The following TSHZ2 variants were observed in gnomAD, a reference collection of about 807,000 sequenced individuals.
TSHZ2 encodes the protein teashirt zinc finger homeobox 2, also known as teashirt homolog 2.
Under a neutral mutation model 74.4 loss-of-function variants are expected in TSHZ2, and 21 were observed. The observed-to-expected ratio is 0.28, with a 90% CI of 0.20 to 0.41. The LOEUF (loss-of-function observed/expected upper bound fraction) is 0.41. Ranked by LOEUF, TSHZ2 falls within the 10% of genes least tolerant of loss-of-function variation. The pLI, the probability that TSHZ2 is intolerant of heterozygous loss-of-function variation, is 1.00. For synonymous variants in TSHZ2, 540 were observed against 515.3 expected, an observed-to-expected ratio of 1.05 and a Z score of -0.65; for missense variants, 1,244 against 1,293.5, an observed-to-expected ratio of 0.96 and a Z score of 0.59.
intron 1 of TSHZ2, among the ~76,000 whole-genome samples, chr20:52,987,383 A>G (rs1981808308): frequency 6.6e-6 from 1 of 152,168 alleles, no homozygotes; most frequent in South Asian, 2.1e-4. Flanking sequence ...CCATTAATCC[A>G]TTTGAATTAC....
chr20:53,070,611 AC>A (rs753863490), intron 1 of TSHZ2, among the ~76,000 whole-genome samples: 4 of 152,156 alleles, frequency 2.6e-5, no homozygotes, highest in Non-Finnish European at 5.9e-5. Context: ...TCACACTTAA[AC>A]ATTGATTACC....
chr20:53,100,920 GT>G (rs1032398036), intron 1 of TSHZ2, among the ~76,000 whole-genome samples: 76 of 152,106 alleles, frequency 5.0e-4, no homozygotes, highest in Admixed American at 1.5e-3. Context: ...CTGTTTCCCA[GT>G]TTTTTGAGGT....
At chr20:53,001,214 G>GTGTGTGTGTGTGTGTGTGTGTGTGTATA (rs1568713416) in intron 1 of TSHZ2, among the ~76,000 whole-genome samples, 12 of 125,890 alleles carry the variant, frequency 9.5e-5, no homozygotes, top group African/African-American at 4.1e-4. Flanking sequence ...GCGTGTGTGT[G>GTGTGTGTGTGTGTGTGTGTGTGTGTATA]TGTGTGTGTG....
intron 1 of TSHZ2, among the ~76,000 whole-genome samples, chr20:53,039,037 C>T (rs1181553398): frequency 1.3e-5 from 2 of 152,100 alleles, no homozygotes; most frequent in African/African-American, 2.4e-5. Context: ...GCTGGGATTA[C>T]AGTCATGCCC....
chr20:53,180,606 G>T (rs1431254660), intron 1 of TSHZ2, among the ~76,000 whole-genome samples: 2 of 152,246 alleles, frequency 1.3e-5, no homozygotes, highest in East Asian at 3.9e-4. Flanking sequence ...AACTCATGTA[G>T]GAGGGGCCAC....
At chr20:53,088,483 A>AG (rs1367820773) in intron 1 of TSHZ2, among the ~76,000 whole-genome samples, 1 of 152,188 alleles carries the variant, frequency 6.6e-6, no homozygotes, top group Non-Finnish European at 1.5e-5. Context: ...AATGGAATTG[A>AG]GGATCTCAGC....
At chr20:53,244,266 T>C (rs965361449) in intron 1 of TSHZ2, among the ~76,000 whole-genome samples, 3 of 152,224 alleles carry the variant, frequency 2.0e-5, no homozygotes, top group Non-Finnish European at 4.4e-5. Context: ...AGTGTGTTTA[T>C]ATATCCTTAT....
At chr20:53,280,622 T>C (rs1199937465) in intron 2 of TSHZ2, among the ~76,000 whole-genome samples, 2 of 151,664 alleles carry the variant, frequency 1.3e-5, no homozygotes, top group Non-Finnish European at 2.9e-5. Context: ...CTTCTCATCA[T>C]TTAGTCAACA....
intron 2 of TSHZ2, among the ~76,000 whole-genome samples, chr20:53,418,706 C>A (rs908493030): frequency 6.6e-6 from 1 of 152,058 alleles, no homozygotes; most frequent in Non-Finnish European, 1.5e-5. Flanking sequence ...AGAGTCAAAC[C>A]GTATCAATAG....
In TSHZ2 at chr20:53,149,587, C is replaced by T. The variant is rs560510945; in HGVS notation, c.41-103912C>T. ...GCTAAATAAGTCCTTCAGAGATTTCCGCTCAGCTCATGGTGCCAATGAGGA... is the reference window on the plus strand; with the variant it reads ...GCTAAATAAGTCCTTCAGAGATTTCTGCTCAGCTCATGGTGCCAATGAGGA... On this transcript the variant is annotated intron_variant, in intron 1 of 2. Coordinates refer to ENST00000371497, the MANE Select transcript of TSHZ2 (RefSeq NM_173485.6). 2.8e-4 allele frequency among the ~76,000 whole-genome samples: 42 copies of T among 152,238 alleles called. No homozygotes were observed. In the South Asian group the frequency reaches 7.7e-3, roughly 28 times the overall value.
chr20:53,206,145 G>A (rs1368036027), intron 1 of TSHZ2, among the ~76,000 whole-genome samples: 1 of 152,158 alleles, frequency 6.6e-6, no homozygotes, highest in Non-Finnish European at 1.5e-5. Context: ...TTTGAACCTG[G>A]GAGTCAGAGG....
chr20:53,308,174 G>C (rs776279837), intron 2 of TSHZ2, among the ~76,000 whole-genome samples: 24 of 152,194 alleles, frequency 1.6e-4, no homozygotes, highest in Non-Finnish European at 2.9e-4. Context: ...CATGTGTACT[G>C]GGGAGTCATG....
At chr20:53,087,762 A>G (rs1985743208) in intron 1 of TSHZ2, among the ~76,000 whole-genome samples, 1 of 152,220 alleles carries the variant, frequency 6.6e-6, no homozygotes, top group African/African-American at 2.4e-5. Context: ...AGGGACTTAA[A>G]TGATGGTACG....
intron 1 of TSHZ2, among the ~76,000 whole-genome samples, chr20:52,998,385 T>C (rs1271548426): frequency 2.6e-5 from 4 of 152,174 alleles, no homozygotes; most frequent in Admixed American, 6.5e-5. Context: ...GCCAGGCTGG[T>C]CTCGAATTCC....
chr20:53,248,523 G>C (rs778405100), intron 1 of TSHZ2, among the ~76,000 whole-genome samples: 1 of 152,090 alleles, frequency 6.6e-6, no homozygotes, highest in African/African-American at 2.4e-5. Context: ...TTTAAATGAA[G>C]AATTCAGGGG....
At position 53,490,989 on chromosome 20, in the gene TSHZ2, T is replaced by A. The variant is rs1315622189; in HGVS notation, c.*3854T>A. On this transcript the variant is annotated 3_prime_UTR_variant, in exon 3 of 3. Transcript: ENST00000371497. ...GCTTTTCCATCTGTCACTTCTCAGG[T>A]TATTTGACTGTGTTCAAACCTTCTT... 6.6e-6 allele frequency: 1 copy of A among 152,128 alleles called. No homozygotes were observed. The highest frequency in any genetic ancestry group is 1.5e-5 in the Non-Finnish European group (1 of 68,032). 9.4% of individuals were successfully genotyped at this position (152,128 alleles called of 1,614,324 possible). A position where few individuals can be genotyped will look rare whatever the true frequency, so the allele number is the denominator to read the frequency against.
chr20:53,239,921 C>T (rs150863960), intron 1 of TSHZ2, among the ~76,000 whole-genome samples: 12 of 152,008 alleles, frequency 7.9e-5, no homozygotes, highest in South Asian at 4.2e-4. Context: ...ATAAAATGTG[C>T]GCATACAAAT....
rs183159745 is a variant in TSHZ2 at position 53,042,188 on chromosome 20, C to A, written c.40+68855C>A. ...ATCCCTCTGCTGGATTCATAAGCAT[C>A]GAGTGATTCAAACATTAATTACAAT... is the stretch of plus-strand genomic sequence containing the variant. On this transcript the variant is annotated intron_variant, in intron 1 of 2. Coordinates refer to ENST00000371497, the MANE Select transcript of TSHZ2 (RefSeq NM_173485.6). Among the ~76,000 whole-genome samples, 3 of 152,252 alleles carry A rather than the reference C, an allele frequency of 2.0e-5. No individual in the cohort carries two copies. The East Asian group carries it at 5.8e-4, about 29-fold the overall frequency.
At position 53,141,471 on chromosome 20, in the gene TSHZ2, C is replaced by T. The variant is rs143345551; in HGVS notation, c.41-112028C>T. ...TTGTCTTGCTTGTAAATCCTGTAGC[C>T]GGCATTCAATTTATTGACAGATGTT... On this transcript the variant is annotated intron_variant, in intron 1 of 2. Transcript: ENST00000371497. Among the ~76,000 whole-genome samples, 251 of 152,308 alleles carry T rather than the reference C, an allele frequency of 1.6e-3. 1 individual carries two copies. The highest frequency in any genetic ancestry group is 0.01 in the Middle Eastern group (3 of 294).
Sources: allele counts gnomAD v4.1 joint callset (sites outside exome capture counted in the v4.1 genomes callset), GRCh38; gene constraint gnomAD v4.1.1; transcripts MANE v1.5; gene names NCBI Gene and HGNC (gene_info 2026-07-23, HGNC 2026-07-21).